Variants in PLXNC1 observed in about 807,000 individuals in gnomAD.
PLXNC1 encodes plexin C1.
In PLXNC1, 75 loss-of-function variants were observed where a neutral mutation model predicts 178.2. That is an observed-to-expected ratio of 0.42 (90% CI 0.35 to 0.51). The LOEUF is 0.51. Ranked by LOEUF, PLXNC1 falls within the 20% of genes least tolerant of loss-of-function variation. The pLI, the probability that PLXNC1 is intolerant of heterozygous loss-of-function variation, is 0.02. For missense variants in PLXNC1, 1,503 were observed against 1,984.4 expected, an observed-to-expected ratio of 0.76 and a Z score of 4.61; for synonymous variants, 790 against 779.9, an observed-to-expected ratio of 1.01 and a Z score of -0.22.
At chr12:94,158,926 G>A (rs1488007745) in intron 1 of PLXNC1, among the ~76,000 whole-genome samples, 1 of 152,188 alleles carries the variant, frequency 6.6e-6, no homozygotes, top group African/African-American at 2.4e-5. Context: ...AACTTCTAGA[G>A]CAGGGTGTGA....
chr12:94,219,076 C>T (rs1355443637), intron 5 of PLXNC1, among the ~76,000 whole-genome samples: 1 of 152,158 alleles, frequency 6.6e-6, no homozygotes, highest in East Asian at 1.9e-4. Flanking sequence ...TCAGTCCCCT[C>T]AACCCCTTTG....
intron 24 of PLXNC1, among the ~76,000 whole-genome samples, chr12:94,296,526 C>T (rs1967935161): frequency 6.6e-6 from 1 of 152,114 alleles, no homozygotes; most frequent in African/African-American, 2.4e-5. Flanking sequence ...ACTCCCTTAC[C>T]CTTTACAGCC....
chr12:94,278,202 C>T (rs771267619), intron 21 of PLXNC1: 7 of 367,660 alleles, frequency 1.9e-5, no homozygotes, highest in Non-Finnish European at 2.7e-5. Flanking sequence ...CCTCGTTAAG[C>T]CAGGCTCAAA....
intron 4 of PLXNC1, among the ~76,000 whole-genome samples, chr12:94,206,351 T>C (rs900615917): frequency 1.3e-5 from 2 of 152,110 alleles, no homozygotes; most frequent in Non-Finnish European, 2.9e-5. Flanking sequence ...TTATCTCGAA[T>C]ACATTAAGCT....
At chr12:94,221,646 T>A (rs1231638421) in intron 6 of PLXNC1, among the ~76,000 whole-genome samples, 1 of 152,192 alleles carries the variant, frequency 6.6e-6, no homozygotes, top group Non-Finnish European at 1.5e-5. Context: ...TTAGACTGGA[T>A]AATTTATAAA....
chr12:94,184,120 TCTCTC>T (rs962731034), intron 3 of PLXNC1, among the ~76,000 whole-genome samples: 14 of 36,882 alleles, frequency 3.8e-4, no homozygotes, highest in East Asian at 3.6e-3. Flanking sequence ...CCTCTCTCTC[TCTCTC>T]TTTTTTTTTT....
chr12:94,305,010 C>T (rs1360080379), intron 30 of PLXNC1, among the ~76,000 whole-genome samples, 171 bp from the exon 31 acceptor site: 1 of 152,164 alleles, frequency 6.6e-6, no homozygotes, highest in Non-Finnish European at 1.5e-5. Flanking sequence ...ATTGTTGATC[C>T]TGTGATAAGG....
intron 1 of PLXNC1, among the ~76,000 whole-genome samples, chr12:94,164,198 A>T (rs1029572671): frequency 2.6e-5 from 4 of 152,168 alleles, no homozygotes; most frequent in African/African-American, 9.7e-5. Context: ...AAACAAAGGG[A>T]TCCCAAAGGG....
At chr12:94,230,469 C>G (rs1964067922) in intron 9 of PLXNC1, among the ~76,000 whole-genome samples, 1 of 152,124 alleles carries the variant, frequency 6.6e-6, no homozygotes. Context: ...TAAACAAAAG[C>G]CCAGATCTGT....
chr12:94,208,148 A>T (rs528066032), intron 4 of PLXNC1, among the ~76,000 whole-genome samples: 1 of 152,242 alleles, frequency 6.6e-6, no homozygotes, highest in Non-Finnish European at 1.5e-5. Flanking sequence ...TGAGCTAGCC[A>T]TCAAGGGTCA....
chr12:94,279,952 T>G (rs1212848489), intron 22 of PLXNC1: 1 of 483,926 alleles, frequency 2.1e-6, no homozygotes, highest in Non-Finnish European at 3.8e-6. Flanking sequence ...GGAATCACCT[T>G]GCATCATGAA....
chr12:94,165,907 G>A (rs192959954), intron 1 of PLXNC1, among the ~76,000 whole-genome samples: 14 of 152,116 alleles, frequency 9.2e-5, no homozygotes, highest in Non-Finnish European at 1.6e-4. Context: ...GAGGGCAAAC[G>A]GGTTCTCCTC....
intron 22 of PLXNC1, among the ~76,000 whole-genome samples, chr12:94,280,995 C>G (rs894896995): frequency 6.6e-6 from 1 of 152,210 alleles, no homozygotes; most frequent in African/African-American, 2.4e-5. Flanking sequence ...AATCCAACAC[C>G]AGGCTGGACG....
At chr12:94,186,627 T>C in intron 4 of PLXNC1, 154 bp downstream of exon 4, 1 of 597,682 alleles carries the variant, frequency 1.7e-6, no homozygotes, top group Non-Finnish European at 3.1e-6. Flanking sequence ...TAATGAATTC[T>C]CGAAGGTGTT....
At chr12:94,232,862 C>G (rs184573245) in intron 9 of PLXNC1, among the ~76,000 whole-genome samples, 1 of 152,270 alleles carries the variant, frequency 6.6e-6, no homozygotes, top group African/African-American at 2.4e-5. Context: ...AATTTTAGCT[C>G]AGAGAGAGCA....
In PLXNC1 at chr12:94,294,895, A is replaced by G. The variant is rs1159007802; in HGVS notation, c.3934+355A>G. The stretch of plus-strand genomic sequence containing the variant: ...AAACTGAGAGGGAAGAGTACAGACA[A>G]TCATCACAGAGCCCCGAAGCAAGCG... On this transcript the variant is annotated intron_variant, in intron 24 of 30. Coordinates refer to ENST00000258526, the MANE Select transcript of PLXNC1 (RefSeq NM_005761.3). Among the ~76,000 whole-genome samples, 3 of 152,312 alleles carry G rather than the reference A, an allele frequency of 2.0e-5. No homozygotes were observed. The East Asian group carries it at 5.8e-4, about 29-fold the overall frequency.
intron 23 of PLXNC1, among the ~76,000 whole-genome samples, chr12:94,285,820 A>C (rs1175171769): frequency 6.6e-6 from 1 of 152,146 alleles, no homozygotes; most frequent in Non-Finnish European, 1.5e-5. Flanking sequence ...AGGAGGGGAC[A>C]CAGACTCCAA....
intron 1 of PLXNC1, among the ~76,000 whole-genome samples, chr12:94,160,557 G>A (rs2135928526): frequency 6.6e-6 from 1 of 152,104 alleles, no homozygotes; most frequent in South Asian, 2.1e-4. Flanking sequence ...CTCTATCATT[G>A]ACCCCTTTTA....
At chr12:94,215,602 A>G (rs188965657) in intron 5 of PLXNC1, among the ~76,000 whole-genome samples, 2 of 144,126 alleles carry the variant, frequency 1.4e-5, no homozygotes, top group East Asian at 2.1e-4. Flanking sequence ...ATCAAAAATA[A>G]TTTAATCCAT....
Sources: gnomAD v4.1 joint callset for allele counts (sites outside exome capture counted in the v4.1 genomes callset) on GRCh38, gnomAD v4.1.1 for gene constraint, MANE v1.5 for transcripts, NCBI Gene and HGNC (gene_info 2026-07-23, HGNC 2026-07-21) for gene names.